The following KCNQ5 variants were observed in gnomAD, a reference collection of about 807,000 sequenced individuals.
KCNQ5 encodes potassium voltage-gated channel subfamily Q member 5.
Under a neutral mutation model 98.2 loss-of-function variants are expected in KCNQ5, and 30 were observed. The ratio of observed to expected loss-of-function variants is 0.31; its 90% CI spans 0.23 to 0.41. The LOEUF is 0.41. Ranked by LOEUF, KCNQ5 falls within the 10% of genes least tolerant of loss-of-function variation. KCNQ5 has a pLI of 1.00. For synonymous variants in KCNQ5, 458 were observed against 449.4 expected (o/e 1.02, Z -0.24); for missense variants, 835 against 1,182.5 (o/e 0.71, Z 4.31).
chr6:72,902,676 T>A (rs1174782177), intron 1 of KCNQ5, among the ~76,000 whole-genome samples: 1 of 152,200 alleles, frequency 6.6e-6, no homozygotes, highest in African/African-American at 2.4e-5. Context: ...TATCCCTGCA[T>A]CCCTGGTATG....
At chr6:73,094,917 C>T (rs1582344844) in intron 5 of KCNQ5, among the ~76,000 whole-genome samples, 1 of 152,092 alleles carries the variant, frequency 6.6e-6, no homozygotes, top group Non-Finnish European at 1.5e-5. Flanking sequence ...GATCTTTTTG[C>T]AATGAATTTC....
At chr6:73,189,995 C>CAAAAA (rs56943530) in intron 11 of KCNQ5, among the ~76,000 whole-genome samples, 1 of 113,196 alleles carries the variant, frequency 8.8e-6, no homozygotes, top group African/African-American at 3.1e-5. Context: ...GACCTCATCT[C>CAAAAA]AAAAAAAAAA....
At chr6:72,938,306 T>C (rs1036604813) in intron 1 of KCNQ5, among the ~76,000 whole-genome samples, 3 of 152,306 alleles carry the variant, frequency 2.0e-5, no homozygotes, top group Admixed American at 2.0e-4. Flanking sequence ...TTTGGAGTGA[T>C]AGAAATGATT....
intron 1 of KCNQ5, among the ~76,000 whole-genome samples, chr6:72,775,740 C>T (rs116652352): frequency 6.6e-6 from 1 of 152,260 alleles, no homozygotes; most frequent in African/African-American, 2.4e-5. Context: ...AAACCCATAA[C>T]CCCAGTCCCA....
intron 10 of KCNQ5, chr6:73,136,089 C>G (rs907402702): frequency 1.3e-5 from 2 of 152,210 alleles, no homozygotes; most frequent in Admixed American, 6.5e-5. Flanking sequence ...AAAGCTCATG[C>G]TCACCCACAT....
At chr6:72,795,693 C>G (rs1204179826) in intron 1 of KCNQ5, among the ~76,000 whole-genome samples, 1 of 151,980 alleles carries the variant, frequency 6.6e-6, no homozygotes, top group African/African-American at 2.4e-5. Context: ...TTGTATATCC[C>G]AAAGATATTT....
At chr6:73,098,687 T>C (rs1774627950) in intron 5 of KCNQ5, among the ~76,000 whole-genome samples, 1 of 152,088 alleles carries the variant, frequency 6.6e-6, no homozygotes, top group Non-Finnish European at 1.5e-5. Context: ...AATAAAGACT[T>C]TCCCAGACAA....
intron 5 of KCNQ5, among the ~76,000 whole-genome samples, chr6:73,089,541 T>G (rs1473088872): frequency 6.6e-6 from 1 of 152,174 alleles, no homozygotes; most frequent in Non-Finnish European, 1.5e-5. Context: ...CTATTTGTAG[T>G]CTTTTATCCC....
chr6:72,887,678 G>A (rs185705321), intron 1 of KCNQ5, among the ~76,000 whole-genome samples: 37 of 152,258 alleles, frequency 2.4e-4, no homozygotes, highest in Non-Finnish European at 4.7e-4. Flanking sequence ...TATTCCAAAA[G>A]TGGGTAAATA....
intron 9 of KCNQ5, chr6:73,125,458 A>C (rs778053853): frequency 3.9e-6 from 2 of 517,520 alleles, no homozygotes; most frequent in Admixed American, 1.9e-5. Flanking sequence ...GAAGAGATAC[A>C]TTTTTTTTCC....
intron 7 of KCNQ5, among the ~76,000 whole-genome samples, chr6:73,119,808 A>G (rs1156715669): frequency 2.0e-5 from 3 of 152,164 alleles, no homozygotes; most frequent in African/African-American, 7.2e-5. Flanking sequence ...TCACCTAACT[A>G]CTATCTTGGA....
At chr6:72,734,814 T>C (rs1425942025) in intron 1 of KCNQ5, among the ~76,000 whole-genome samples, 1 of 152,212 alleles carries the variant, frequency 6.6e-6, no homozygotes, top group African/African-American at 2.4e-5. Context: ...GTTTAGGCCC[T>C]GTAGTAACAG....
At chr6:73,135,551 C>T (rs1055660933) in intron 10 of KCNQ5, 1 of 152,126 alleles carries the variant, frequency 6.6e-6, no homozygotes. Flanking sequence ...GGGCCCTTGC[C>T]CTGACTGTTA....
intron 3 of KCNQ5, among the ~76,000 whole-genome samples, chr6:73,060,055 C>A (rs148054482): frequency 6.6e-6 from 1 of 152,054 alleles, no homozygotes; most frequent in East Asian, 1.9e-4. Flanking sequence ...AAATTGCCAC[C>A]AAGACCCAGT....
At position 72,622,670 on chromosome 6, in the gene KCNQ5, T is replaced by G. The variant is rs2098915980; in HGVS notation, c.398+83T>G. On this transcript the variant is annotated intron_variant, in intron 1 of 13. Transcript: ENST00000370398. The surrounding 1 kb of genome is among the most constrained non-coding windows in gnomAD (Gnocchi z 6.0). ...TGGGGCGTGCTCCGCGCTCGCGCCC[T>G]TGGGCCCCCGCGCGCGTGCACACGT... 2.7e-6 allele frequency: 4 copies of G among 1,500,866 alleles called. No homozygotes were observed. The highest frequency in any genetic ancestry group is 1.8e-6 in the Non-Finnish European group (2 of 1,104,090). 93.0% of individuals were successfully genotyped at this position (1,500,866 alleles called of 1,614,324 possible).
intron 1 of KCNQ5, among the ~76,000 whole-genome samples, chr6:72,742,379 G>T (rs1053678742): frequency 5.3e-5 from 8 of 152,268 alleles, no homozygotes; most frequent in African/African-American, 1.9e-4. Flanking sequence ...GTTCATAAGG[G>T]TTGCAAAAGT....
intron 1 of KCNQ5, among the ~76,000 whole-genome samples, chr6:72,943,384 G>A (rs1410337841): frequency 6.6e-6 from 1 of 152,126 alleles, no homozygotes; most frequent in Non-Finnish European, 1.5e-5. Context: ...AACAATTTTT[G>A]AAGCCTAAAT....
At chr6:72,933,443 G>A (rs1307411832) in intron 1 of KCNQ5, among the ~76,000 whole-genome samples, 1 of 152,166 alleles carries the variant, frequency 6.6e-6, no homozygotes, top group Admixed American at 6.6e-5. Context: ...GAGGGGATGA[G>A]GGAGGTTAGG....
At chr6:72,779,766 T>C (rs1300548442) in intron 1 of KCNQ5, among the ~76,000 whole-genome samples, 1 of 151,606 alleles carries the variant, frequency 6.6e-6, no homozygotes, top group Non-Finnish European at 1.5e-5. Flanking sequence ...CACCTCAGCT[T>C]CCCTAGTAGC....
Sources: gnomAD v4.1 joint callset for allele counts (sites outside exome capture counted in the v4.1 genomes callset) on GRCh38, gnomAD v4.1.1 for gene constraint, Gnocchi (gnomAD v3.1) non-coding constraint, MANE v1.5 for transcripts, NCBI Gene and HGNC (gene_info 2026-07-23, HGNC 2026-07-21) for gene names.